The following IFT43 variants were observed in gnomAD, a reference collection of about 807,000 sequenced individuals.
The protein encoded by IFT43 is intraflagellar transport protein 43 homolog.
In IFT43, 33 loss-of-function variants were observed where a neutral mutation model predicts 32.3. The ratio of observed to expected loss-of-function variants is 1.02; its 90% confidence interval spans 0.77 to 1.37. IFT43 has a LOEUF of 1.37. Ranked by LOEUF, IFT43 falls within the 40% of genes most tolerant of loss-of-function variation. The pLI is 0.00. For missense variants in IFT43, 274 were observed against 265.9 expected (o/e 1.03, Z -0.21); for synonymous variants, 93 against 98.2 (o/e 0.95, Z 0.31).
intron 3 of IFT43, among the ~76,000 whole-genome samples, chr14:76,030,888 G>A (rs4903369): frequency 0.96 from 146,171 of 151,774 alleles, 70,433 homozygotes; most frequent in East Asian, 1. Context: ...ATAGAAAGAT[G>A]TATTCAGTGA....
intron 3 of IFT43, among the ~76,000 whole-genome samples, chr14:76,052,580 G>T (rs1489661081): frequency 6.6e-6 from 1 of 152,174 alleles, no homozygotes; most frequent in Non-Finnish European, 1.5e-5. Context: ...ATTCTGCCAT[G>T]GTCCCATGTG....
chr14:76,004,234 A>C (rs377229568), intron 2 of IFT43, among the ~76,000 whole-genome samples: 2 of 152,222 alleles, frequency 1.3e-5, no homozygotes, highest in Admixed American at 1.3e-4. Flanking sequence ...CAGATTTGCC[A>C]AGAACAACTT....
At chr14:76,039,923 G>T (rs192846278) in intron 3 of IFT43, among the ~76,000 whole-genome samples, 1 of 152,270 alleles carries the variant, frequency 6.6e-6, no homozygotes. Flanking sequence ...ATTTCTTGCT[G>T]ATCTTTCTGA....
intron 1 of IFT43, 25 bp downstream of exon 1, chr14:75,985,865 G>A: frequency 6.2e-7 from 1 of 1,613,088 alleles, no homozygotes; most frequent in Non-Finnish European, 8.5e-7. Flanking sequence ...GGGGGCCTTG[G>A]GGGCCAGGAT....
intron 2 of IFT43, among the ~76,000 whole-genome samples, chr14:75,996,704 C>G (rs1447756431): frequency 6.6e-6 from 1 of 152,216 alleles, no homozygotes; most frequent in Non-Finnish European, 1.5e-5. Flanking sequence ...AAATGCAACT[C>G]TCTGTCTGAA....
chr14:76,048,298 C>T (rs1349907125), intron 3 of IFT43, among the ~76,000 whole-genome samples: 1 of 152,116 alleles, frequency 6.6e-6, no homozygotes, highest in Non-Finnish European at 1.5e-5. Flanking sequence ...TCTTATTGAA[C>T]AAAAAAACTT....
intron 2 of IFT43, among the ~76,000 whole-genome samples, chr14:75,991,016 G>A (rs909863401): frequency 2.6e-5 from 4 of 152,316 alleles, no homozygotes; most frequent in African/African-American, 9.6e-5. Context: ...GTGATCACTG[G>A]CACCCAGGAA....
At chr14:76,024,306 C>T (rs991314962) in intron 3 of IFT43, among the ~76,000 whole-genome samples, 12 of 152,200 alleles carry the variant, frequency 7.9e-5, no homozygotes, top group South Asian at 2.1e-4. Flanking sequence ...CATACTCTCT[C>T]GCATTTCTTC....
intron 5 of IFT43, among the ~76,000 whole-genome samples, chr14:76,078,712 G>A (rs994637642): frequency 6.6e-6 from 1 of 152,256 alleles, no homozygotes; most frequent in South Asian, 2.1e-4. Flanking sequence ...GCAGAGAGCA[G>A]TGCGGCCGTG....
At chr14:76,013,375 G>A (rs752582552) in intron 2 of IFT43, among the ~76,000 whole-genome samples, 4 of 152,168 alleles carry the variant, frequency 2.6e-5, no homozygotes, top group Non-Finnish European at 5.9e-5. Context: ...TGGTGAGGGC[G>A]TTCGCACCCC....
intron 2 of IFT43, among the ~76,000 whole-genome samples, chr14:76,011,703 C>T (rs2139926294): frequency 6.6e-6 from 1 of 152,242 alleles, no homozygotes; most frequent in East Asian, 1.9e-4. Context: ...CTTGAGAGAA[C>T]TATGTTTATT....
intron 2 of IFT43, among the ~76,000 whole-genome samples, chr14:76,005,830 CT>C (rs1480208446): frequency 6.6e-6 from 1 of 152,224 alleles, no homozygotes; most frequent in Non-Finnish European, 1.5e-5. Flanking sequence ...TTTGTTTCCT[CT>C]CCAGTATCTT....
At chr14:76,019,389 TC>T (rs1003622749) in intron 2 of IFT43, among the ~76,000 whole-genome samples, 11 of 152,080 alleles carry the variant, frequency 7.2e-5, no homozygotes, top group African/African-American at 2.4e-4. Flanking sequence ...TTTTTTTTTT[TC>T]CCTTTCAGCA....
chr14:75,986,247 C>T, intron 1 of IFT43: 2 of 1,290,758 alleles, frequency 1.5e-6, no homozygotes, highest in Non-Finnish European at 2.0e-6. Context: ...GCAGAAGTTC[C>T]TGCAAAAGCC....
At chr14:75,989,204 T>C (rs2035589859) in intron 2 of IFT43, among the ~76,000 whole-genome samples, 1 of 152,246 alleles carries the variant, frequency 6.6e-6, no homozygotes, top group Non-Finnish European at 1.5e-5. Flanking sequence ...ATATTCTTAA[T>C]GTAGAACTTT....
chr14:76,026,251 G>A (rs944636285), intron 3 of IFT43, among the ~76,000 whole-genome samples: 26 of 152,132 alleles, frequency 1.7e-4, no homozygotes, highest in Middle Eastern at 3.2e-3. Context: ...AGTCAGAATG[G>A]CAGTTATTAA....
chr14:76,038,929 C>G (rs950791970), intron 3 of IFT43, among the ~76,000 whole-genome samples: 46 of 152,130 alleles, frequency 3.0e-4, no homozygotes, highest in African/African-American at 1.1e-3. Flanking sequence ...AGACCTCGCT[C>G]TAACTGGTGG....
In IFT43 at chr14:76,051,053, G is replaced by GAT. The variant is rs200028052; in HGVS notation, c.216-7588_216-7587insTA. Among the ~76,000 whole-genome samples, 175 of 151,760 alleles carry GAT rather than the reference G, an allele frequency of 1.2e-3. 1 individual carries two copies. Among genetic ancestry groups the GAT allele is most frequent in the East Asian group, 9.5e-3 (49 of 5,164 alleles). On this transcript the variant is annotated intron_variant, in intron 3 of 8. Transcript: ENST00000314067. The stretch of plus-strand genomic sequence containing the variant: ...CTAGGCCTTGGCAGTGTAAAGAGAG[G>GAT]ACATGGGCATGAGTTTTTTATCAGT...
At chr14:76,032,652 A>G (rs927787264) in intron 3 of IFT43, among the ~76,000 whole-genome samples, 1 of 152,252 alleles carries the variant, frequency 6.6e-6, no homozygotes, top group Non-Finnish European at 1.5e-5. Flanking sequence ...TGCCTAGTCC[A>G]TAATAAGCAC....
Sources: allele counts gnomAD v4.1 joint callset (sites outside exome capture counted in the v4.1 genomes callset), GRCh38; gene constraint gnomAD v4.1.1; transcripts MANE v1.5; gene names NCBI Gene and HGNC (gene_info 2026-07-23, HGNC 2026-07-21).